MAF: variants seen among roughly 807,000 people sequenced by gnomAD.
MAF encodes the protein MAF bZIP transcription factor.
A neutral mutation model predicts 22.0 loss-of-function variants in MAF; 10 were observed. The observed-to-expected ratio is 0.45, with a 90% CI of 0.28 to 0.77. The LOEUF is 0.77. Ranked by LOEUF, MAF falls within the 30% of genes least tolerant of loss-of-function variation. The pLI, the probability that MAF is intolerant of heterozygous loss-of-function variation, is 0.12. For synonymous variants in MAF, 337 were observed against 255.8 expected (o/e 1.32, Z -3.03); for missense variants, 544 against 548.4 (o/e 0.99, Z 0.08).
At chr16:79,566,228 T>A in the MAF span, among the ~76,000 whole-genome samples, 3 of 152,232 alleles carry the variant, frequency 2.0e-5, no homozygotes, top group African/African-American at 7.2e-5. Flanking sequence ...CCATTAGAGA[T>A]ACAAAGACAA....
chr16:79,326,270 A>C, the MAF span, among the ~76,000 whole-genome samples: 589 of 152,298 alleles, frequency 3.9e-3, 8 homozygotes, highest in Non-Finnish European at 2.5e-3. Context: ...GTGAGGCTTA[A>C]ATGCACTAAA....
chr16:79,210,888 T>A, the MAF span, among the ~76,000 whole-genome samples: 1 of 152,210 alleles, frequency 6.6e-6, no homozygotes, highest in Non-Finnish European at 1.5e-5. Context: ...ACTTACATTT[T>A]GAAGTGGGCT....
the MAF span, among the ~76,000 whole-genome samples, chr16:79,545,313 G>C: frequency 2.6e-5 from 4 of 152,138 alleles, no homozygotes; most frequent in Admixed American, 2.6e-4. Context: ...AGTGAAAGGT[G>C]GGGAATGCAG....
At chr16:79,568,352 G>C in the MAF span, among the ~76,000 whole-genome samples, 1 of 152,138 alleles carries the variant, frequency 6.6e-6, no homozygotes. Context: ...CCCAGGTGTT[G>C]GAATCAGACA....
At chr16:79,498,155 A>G in the MAF span, among the ~76,000 whole-genome samples, 1 of 152,216 alleles carries the variant, frequency 6.6e-6, no homozygotes, top group African/African-American at 2.4e-5. Context: ...AAGTGGTGGT[A>G]TCTTAGCTCC....
the MAF span, among the ~76,000 whole-genome samples, chr16:79,523,518 A>C: frequency 6.6e-6 from 1 of 152,236 alleles, no homozygotes; most frequent in African/African-American, 2.4e-5. Flanking sequence ...CTGAACACCA[A>C]CTGCAGCCAG....
chr16:79,242,088 A>G, the MAF span, among the ~76,000 whole-genome samples: 4 of 152,120 alleles, frequency 2.6e-5, no homozygotes, highest in African/African-American at 9.7e-5. Flanking sequence ...ATGCAAAAAC[A>G]TACCAAATTG....
chr16:79,328,184 G>T, the MAF span, among the ~76,000 whole-genome samples: 1 of 152,110 alleles, frequency 6.6e-6, no homozygotes, highest in Admixed American at 6.5e-5. Flanking sequence ...GCCGCCCTGG[G>T]AGTCTCTTAT....
chr16:79,241,289 T>C, the MAF span, among the ~76,000 whole-genome samples: 1 of 151,884 alleles, frequency 6.6e-6, no homozygotes, highest in East Asian at 1.9e-4. Flanking sequence ...AAGCTAAGAA[T>C]CTTGAAAAAG....
chr16:79,382,355 T>C, the MAF span, among the ~76,000 whole-genome samples: 4 of 152,232 alleles, frequency 2.6e-5, no homozygotes, highest in African/African-American at 9.6e-5. Flanking sequence ...GCATAGGTTT[T>C]ATATCAGATC....
the MAF span, among the ~76,000 whole-genome samples, chr16:79,454,806 G>T: frequency 1.3e-5 from 2 of 149,810 alleles, no homozygotes; most frequent in East Asian, 4.0e-4. Flanking sequence ...CCATAGCTGT[G>T]ATCTGAAAGA....
the MAF span, among the ~76,000 whole-genome samples, chr16:79,280,351 A>T: frequency 1.3e-5 from 2 of 152,218 alleles, no homozygotes; most frequent in East Asian, 3.8e-4. Context: ...CTAAGTTTTG[A>T]AAAGGGCAAA....
chr16:79,276,152 AG>A, the MAF span, among the ~76,000 whole-genome samples: 1 of 3,224 alleles, frequency 3.1e-4, no homozygotes, highest in Non-Finnish European at 2.0e-3. Context: ...AGAAAAAAAA[AG>A]AAAGAAAGAA....
the MAF span, among the ~76,000 whole-genome samples, chr16:79,374,596 A>G: frequency 6.6e-6 from 1 of 152,162 alleles, no homozygotes; most frequent in Admixed American, 6.5e-5. Context: ...TGATGATGCT[A>G]TTATAGGACT....
chr16:79,474,423 G>T, the MAF span, among the ~76,000 whole-genome samples: 1 of 152,140 alleles, frequency 6.6e-6, no homozygotes, highest in Non-Finnish European at 1.5e-5. Flanking sequence ...GCAAGTGCCT[G>T]GCTGGCTGGG....
chr16:79,462,581 A>G, the MAF span, among the ~76,000 whole-genome samples: 1 of 141,804 alleles, frequency 7.1e-6, no homozygotes, highest in African/African-American at 2.5e-5. Flanking sequence ...ACAAACATGC[A>G]CACACACACA....
At chr16:79,515,061 G>A in the MAF span, among the ~76,000 whole-genome samples, 1 of 152,164 alleles carries the variant, frequency 6.6e-6, no homozygotes, top group African/African-American at 2.4e-5. Context: ...TCACACCTTT[G>A]TAAATGGGGG....
the MAF span, among the ~76,000 whole-genome samples, chr16:79,501,485 G>A: frequency 6.6e-6 from 1 of 152,128 alleles, no homozygotes; most frequent in Non-Finnish European, 1.5e-5. Context: ...CTTTCCATTG[G>A]CAGTTAATCT....
the MAF span, among the ~76,000 whole-genome samples, chr16:79,578,839 G>A: frequency 6.6e-6 from 1 of 152,150 alleles, no homozygotes; most frequent in African/African-American, 2.4e-5. Context: ...TGTGTTTGGA[G>A]CTTTAGGGCC....
Sources: allele counts gnomAD v4.1 joint callset (sites outside exome capture counted in the v4.1 genomes callset), GRCh38; gene constraint gnomAD v4.1.1; transcripts MANE v1.5; gene names NCBI Gene and HGNC (gene_info 2026-07-23, HGNC 2026-07-21).